The following EYS variants were observed in gnomAD, a reference collection of about 807,000 sequenced individuals.
EYS encodes protein eyes shut homolog.
EYS carries 250 observed loss-of-function variants against 282.1 expected under a neutral mutation model. That is an observed-to-expected ratio of 0.89 (90% confidence interval 0.80 to 0.98). The LOEUF (loss-of-function observed/expected upper bound fraction) is 0.98, where lower values mean the gene tolerates loss of function less well. EYS is among the 50% of genes least tolerant of loss of function. The pLI is 0.00. For missense variants in EYS, 4,016 were observed against 3,709.0 expected (o/e 1.08, Z -2.15); for synonymous variants, 1,355 against 1,282.9 (o/e 1.06, Z -1.20).
chr6:65,294,694 T>C (rs549571117), intron 12 of EYS, among the ~76,000 whole-genome samples: 1 of 152,038 alleles, frequency 6.6e-6, no homozygotes, highest in Admixed American at 6.6e-5. Context: ...GTAATGGCAT[T>C]ATGCAGAGTT....
chr6:64,034,817 C>T (rs1770031316), intron 33 of EYS, among the ~76,000 whole-genome samples: 1 of 151,948 alleles, frequency 6.6e-6, no homozygotes, highest in African/African-American at 2.4e-5. Context: ...TGACAAGCAA[C>T]ACGAGGCATT....
chr6:65,595,680 C>T (rs1765379741), intron 2 of EYS, among the ~76,000 whole-genome samples: 1 of 151,060 alleles, frequency 6.6e-6, no homozygotes, highest in African/African-American at 2.4e-5. Context: ...AGTTAAATAA[C>T]GGTTTATCTC....
chr6:63,836,476 CA>C (rs1771808912), intron 36 of EYS, among the ~76,000 whole-genome samples: 1 of 151,598 alleles, frequency 6.6e-6, no homozygotes, highest in Non-Finnish European at 1.5e-5. Context: ...AAAAAAAATT[CA>C]ATATTAGTTT....
intron 2 of EYS, among the ~76,000 whole-genome samples, chr6:65,619,069 G>GT (rs1249124732): frequency 3.9e-5 from 6 of 151,962 alleles, no homozygotes; most frequent in South Asian, 2.1e-4. Flanking sequence ...CTTTAAAGTA[G>GT]TTTTTTCCAA....
chr6:63,981,348 A>T (rs567366407), intron 35 of EYS, among the ~76,000 whole-genome samples: 1 of 151,762 alleles, frequency 6.6e-6, no homozygotes, highest in African/African-American at 2.4e-5. Context: ...TACTACAGGC[A>T]TCTCTTCTTA....
intron 2 of EYS, among the ~76,000 whole-genome samples, chr6:65,599,488 G>A (rs967157854): frequency 3.3e-5 from 5 of 151,848 alleles, no homozygotes; most frequent in African/African-American, 1.2e-4. Context: ...TTACTTCATT[G>A]ACTTGTAGAT....
At chr6:64,390,153 C>G (rs1431536569) in intron 28 of EYS, among the ~76,000 whole-genome samples, 1 of 152,112 alleles carries the variant, frequency 6.6e-6, no homozygotes, top group Non-Finnish European at 1.5e-5. Context: ...ATTGCTAGCA[C>G]AGCAGTCTGA....
At chr6:65,540,210 G>C (rs1410019555) in intron 2 of EYS, among the ~76,000 whole-genome samples, 2 of 152,238 alleles carry the variant, frequency 1.3e-5, no homozygotes, top group South Asian at 2.1e-4. Flanking sequence ...TCATTCCAAT[G>C]ATACCAAGCA....
chr6:64,024,044 C>T lies in EYS; in HGVS notation c.6726-24861G>A, dbSNP rs766981289. Among the ~76,000 whole-genome samples, 11 of 152,166 alleles carry T rather than the reference C, an allele frequency of 7.2e-5. No individual in the cohort carries two copies. In the East Asian group the frequency reaches 7.7e-4, roughly 11 times the overall value. On this transcript the variant is annotated intron_variant, in intron 33 of 42. Coordinates refer to ENST00000503581, the MANE Select transcript of EYS (RefSeq NM_001142800.2). The stretch of plus-strand genomic sequence containing the variant: ...TCTCTCTGTGGGCTCCTGTGCTGCC[C>T]GAGCCTCCCCGATGAGTGCCACCCC...
chr6:64,504,068 A>G (rs757450439), intron 26 of EYS, among the ~76,000 whole-genome samples: 6 of 152,012 alleles, frequency 3.9e-5, no homozygotes, highest in Admixed American at 6.6e-5. Flanking sequence ...AACTAAACCT[A>G]TTTTCTTCAT....
intron 29 of EYS, among the ~76,000 whole-genome samples, chr6:64,323,178 C>G (rs758160278): frequency 6.6e-6 from 1 of 152,014 alleles, no homozygotes; most frequent in Non-Finnish European, 1.5e-5. Context: ...AAAAGAAACA[C>G]CTTACCTGTT....
intron 22 of EYS, among the ~76,000 whole-genome samples, chr6:64,650,747 C>G (rs1401629211): frequency 6.6e-6 from 1 of 151,962 alleles, no homozygotes; most frequent in Admixed American, 6.6e-5. Context: ...GTTGTATAAA[C>G]TGTCTCAGAA....
intron 1 of EYS, among the ~76,000 whole-genome samples, chr6:65,683,538 T>C (rs966675308): frequency 1.3e-5 from 2 of 152,076 alleles, no homozygotes; most frequent in Admixed American, 6.6e-5. Flanking sequence ...ATCCACAATC[T>C]GTCTTTCAAA....
At chr6:63,797,908 C>G (rs1337344616) in intron 37 of EYS, 1 of 152,156 alleles carries the variant, frequency 6.6e-6, no homozygotes, top group African/African-American at 2.4e-5. Flanking sequence ...CTTGGGGCTA[C>G]ATATGGCCCA....
chr6:64,985,028 G>A (rs1472138035), intron 14 of EYS, among the ~76,000 whole-genome samples: 2 of 151,312 alleles, frequency 1.3e-5, no homozygotes, highest in African/African-American at 4.8e-5. Flanking sequence ...TAATTTTCTG[G>A]TACAATCTTT....
chr6:63,929,077 C>T (rs1202638447), intron 35 of EYS, among the ~76,000 whole-genome samples: 3 of 152,138 alleles, frequency 2.0e-5, no homozygotes, highest in Non-Finnish European at 1.5e-5. Context: ...TTTATCTAGG[C>T]AAGTAGACGG....
intron 13 of EYS, among the ~76,000 whole-genome samples, chr6:65,006,487 CAG>C (rs1267303901): frequency 1.1e-5 from 1 of 94,892 alleles, no homozygotes; most frequent in African/African-American, 4.3e-5. Context: ...CTCACCAGTT[CAG>C]AGTTATTCTA....
intron 30 of EYS, among the ~76,000 whole-genome samples, chr6:64,303,309 A>C (rs7739082): frequency 0.69 from 104,340 of 152,012 alleles, 35,846 homozygotes; most frequent in South Asian, 0.71. Flanking sequence ...TTGGAAAAGA[A>C]TGTTGCTAAT....
chr6:64,051,048 G>C (rs1283097187), intron 33 of EYS, among the ~76,000 whole-genome samples: 2 of 152,132 alleles, frequency 1.3e-5, no homozygotes, highest in Non-Finnish European at 2.9e-5. Flanking sequence ...CTGATACGTT[G>C]AATGATGAAT....
Sources: gnomAD v4.1 joint callset for allele counts (sites outside exome capture counted in the v4.1 genomes callset) on GRCh38, gnomAD v4.1.1 for gene constraint, MANE v1.5 for transcripts, NCBI Gene and HGNC (gene_info 2026-07-23, HGNC 2026-07-21) for gene names.